Variants in MMP26 observed in about 807,000 individuals in gnomAD.
MMP26 encodes matrix metallopeptidase 26, also known as matrix metalloproteinase-26.
MMP26 carries 33 observed loss-of-function variants against 31.0 expected under a neutral mutation model. The observed-to-expected ratio is 1.06, with a 90% confidence interval of 0.81 to 1.42. MMP26 has a LOEUF of 1.42. Among genes scored for constraint, MMP26 ranks in the 40% most tolerant of loss-of-function variants. MMP26 has a pLI of 0.00. For missense variants in MMP26, 347 were observed against 316.1 expected, an observed-to-expected ratio of 1.10 and a Z score of -0.74; for synonymous variants, 122 against 114.9, an observed-to-expected ratio of 1.06 and a Z score of -0.40.
At chr11:4,848,389 G>A in intron 2 of MMP26, 1 of 1,614,016 alleles carries the variant, frequency 6.2e-7, no homozygotes, top group Non-Finnish European at 8.5e-7. Flanking sequence ...TGAGTGATTG[G>A]CAGCTCAGGA....
At position 4,989,646 on chromosome 11, in the gene MMP26, A is replaced by G. The variant is rs986201151; in HGVS notation, c.100-2A>G. 1.2e-6 allele frequency: 2 copies of G among 1,609,536 alleles called. No individual in the cohort carries two copies. Among genetic ancestry groups the G allele is most frequent in the East Asian group, 2.2e-5 (1 of 44,858 alleles). ...GTACTCATCCTTCTTGATCTGATTC[A>G]GGGCTATTTCCATCAATTTTTCCTG... On this transcript the variant is annotated splice_acceptor_variant, in intron 3 of 7. Transcript: ENST00000380390. LOFTEE classifies it high-confidence loss of function.
At chr11:4,799,266 G>A (rs72868750) in intron 2 of MMP26, among the ~76,000 whole-genome samples, 55,925 of 151,844 alleles carry the variant, frequency 0.37, 11,355 homozygotes, top group African/African-American at 0.52. Flanking sequence ...TGGCACCAGT[G>A]TCTTCTAGGC....
intron 2 of MMP26, among the ~76,000 whole-genome samples, chr11:4,966,072 A>G (rs535596952): frequency 7.2e-5 from 11 of 152,310 alleles, no homozygotes; most frequent in Admixed American, 2.0e-4. Context: ...GTACAGTACA[A>G]TGAGTTATGC....
At chr11:4,956,720 ATATCCCT>A (rs1233426440) in intron 2 of MMP26, among the ~76,000 whole-genome samples, 1 of 152,150 alleles carries the variant, frequency 6.6e-6, no homozygotes, top group Non-Finnish European at 1.5e-5. Flanking sequence ...CGCTAACTAA[ATATCCCT>A]TAAAACCAAC....
intron 2 of MMP26, among the ~76,000 whole-genome samples, chr11:4,781,409 C>T (rs1261594429): frequency 3.3e-5 from 4 of 120,038 alleles, no homozygotes; most frequent in South Asian, 2.4e-4. Flanking sequence ...TAGCCGGGCG[C>T]GGTGGCGGGC....
At chr11:4,775,721 G>A (rs1208762134) in intron 2 of MMP26, among the ~76,000 whole-genome samples, 1 of 151,208 alleles carries the variant, frequency 6.6e-6, no homozygotes, top group Non-Finnish European at 1.5e-5. Context: ...CGAGTGCAGA[G>A]AGTACAAGGA....
At chr11:4,890,515 A>C (rs1447705878) in intron 2 of MMP26, 1 of 153,046 alleles carries the variant, frequency 6.5e-6, no homozygotes, top group Non-Finnish European at 1.5e-5. Context: ...ACAGATATCC[A>C]TATATGGGCA....
At chr11:4,763,681 G>A (rs1420041905) in intron 1 of MMP26, among the ~76,000 whole-genome samples, 1 of 152,140 alleles carries the variant, frequency 6.6e-6, no homozygotes, top group Non-Finnish European at 1.5e-5. Context: ...ACAAATAAAT[G>A]CATAATTATG....
In MMP26 at chr11:4,946,193, C is replaced by T. The variant is rs1347530299; in HGVS notation, c.-144-41875C>T. 6.2e-7 allele frequency: 1 copy of T among 1,613,872 alleles called. No individual in the cohort carries two copies. The highest frequency in any genetic ancestry group is 1.3e-5 in the African/African-American group (1 of 74,794). On this transcript the variant is annotated intron_variant, in intron 2 of 7. Coordinates refer to ENST00000380390, the MANE Select transcript of MMP26 (RefSeq NM_021801.5). ...CCGTTGACACAATTTTGCTACAACTCTCACTCTAATCTGTTTAGTTTTTAC... is the reference window on the plus strand; with the variant it reads ...CCGTTGACACAATTTTGCTACAACTTTCACTCTAATCTGTTTAGTTTTTAC...
At chr11:4,943,099 T>C (rs1846239649) in intron 2 of MMP26, 1 of 163,432 alleles carries the variant, frequency 6.1e-6, no homozygotes, top group African/African-American at 2.4e-5. Context: ...CTCCCCTTCG[T>C]CCCTTATAAT....
chr11:4,947,177 G>A lies in MMP26; in HGVS notation c.-144-40891G>A. On this transcript the variant is annotated intron_variant, in intron 2 of 7. Transcript: ENST00000380390. ...AATAGGAATATCTGTAAATTTAGTA[G>A]AAAAAAAGCAGTGTTAAAATTTGTG... The A allele has an allele frequency of 6.9e-6, 7 of 1,013,600 alleles. 2 individuals carry two copies. The highest frequency in any genetic ancestry group is 8.4e-6 in the Non-Finnish European group (6 of 711,504). 62.8% of individuals were successfully genotyped at this position (1,013,600 alleles called of 1,614,324 possible).
intron 2 of MMP26, among the ~76,000 whole-genome samples, chr11:4,819,521 A>G (rs1035347755): frequency 2.1e-5 from 3 of 146,340 alleles, no homozygotes; most frequent in African/African-American, 7.7e-5. Context: ...TCAACAAAAT[A>G]TGTATTGTTG....
chr11:4,880,709 A>G (rs16906901), intron 2 of MMP26, among the ~76,000 whole-genome samples: 5,931 of 152,262 alleles, frequency 0.039, 394 homozygotes, highest in African/African-American at 0.13. Context: ...TACCAATATC[A>G]GTTGTGCCTC....
chr11:4,761,813 G>A (rs970216015), intron 1 of MMP26, among the ~76,000 whole-genome samples: 1 of 152,104 alleles, frequency 6.6e-6, no homozygotes, highest in African/African-American at 2.4e-5. Context: ...ATAGCATAAT[G>A]CCAGTTCCAT....
intron 2 of MMP26, among the ~76,000 whole-genome samples, chr11:4,793,109 T>A (rs1171234904): frequency 6.6e-6 from 1 of 152,202 alleles, no homozygotes; most frequent in Non-Finnish European, 1.5e-5. Context: ...AAGCAGTATC[T>A]ACAACAAGAC....
chr11:4,935,525 G>A (rs1851425928), intron 2 of MMP26, among the ~76,000 whole-genome samples: 2 of 151,198 alleles, frequency 1.3e-5, no homozygotes, highest in South Asian at 4.2e-4. Context: ...TCTGCAAACA[G>A]GGACAATTTG....
chr11:4,901,749 C>G (rs1850805839), intron 2 of MMP26, among the ~76,000 whole-genome samples: 1 of 152,148 alleles, frequency 6.6e-6, no homozygotes, highest in African/African-American at 2.4e-5. Flanking sequence ...GTGTTTATCT[C>G]TATCCTTTCC....
intron 2 of MMP26, among the ~76,000 whole-genome samples, chr11:4,939,882 C>T (rs1421697299): frequency 6.6e-6 from 1 of 152,104 alleles, no homozygotes; most frequent in African/African-American, 2.4e-5. Context: ...TCTGAAACTT[C>T]TTAAGCCGTA....
At chr11:4,801,688 G>A (rs563057664) in intron 2 of MMP26, among the ~76,000 whole-genome samples, 20 of 151,954 alleles carry the variant, frequency 1.3e-4, no homozygotes, top group South Asian at 1.0e-3. Context: ...GACTAGAGGC[G>A]TGCACCACCA....
Sources: gnomAD v4.1 joint callset for allele counts (sites outside exome capture counted in the v4.1 genomes callset) on GRCh38, gnomAD v4.1.1 for gene constraint, MANE v1.5 for transcripts, NCBI Gene and HGNC (gene_info 2026-07-23, HGNC 2026-07-21) for gene names.